Variants in QKI observed in about 807,000 individuals in gnomAD.
QKI encodes KH domain-containing RNA-binding protein QKI.
QKI carries 10 observed loss-of-function variants against 39.0 expected under a neutral mutation model. That is an observed-to-expected ratio of 0.26 (90% CI 0.16 to 0.43). QKI has a LOEUF of 0.43. Among genes scored for constraint, QKI ranks in the 20% least tolerant of loss-of-function variants. The pLI is 1.00. For synonymous variants in QKI, 204 were observed against 155.4 expected (o/e 1.31, Z -2.33); for missense variants, 218 against 428.0 (o/e 0.51, Z 4.33).
At chr6:163,419,259 C>A (rs570157625) in intron 1 of QKI, among the ~76,000 whole-genome samples, 1 of 151,874 alleles carries the variant, frequency 6.6e-6, no homozygotes, top group African/African-American at 2.4e-5. Flanking sequence ...ATTTTCACTT[C>A]TTCTGCCTCT....
At chr6:163,421,215 T>C (rs1400603798) in intron 1 of QKI, among the ~76,000 whole-genome samples, 1 of 152,264 alleles carries the variant, frequency 6.6e-6, no homozygotes, top group East Asian at 1.9e-4. Flanking sequence ...TAAAAACATG[T>C]CATGTTATTT....
At chr6:163,419,680 C>T (rs1180988965) in intron 1 of QKI, among the ~76,000 whole-genome samples, 3 of 152,128 alleles carry the variant, frequency 2.0e-5, no homozygotes, top group Non-Finnish European at 4.4e-5. Flanking sequence ...TCATTCTGTA[C>T]TTTTAAAGCT....
intron 6 of QKI, chr6:163,565,044 G>T (rs1783267283): frequency 6.3e-6 from 7 of 1,107,956 alleles, no homozygotes; most frequent in Non-Finnish European, 7.7e-6. Flanking sequence ...ATGCACTCAG[G>T]TGCCCTTTGT....
intron 4 of QKI, among the ~76,000 whole-genome samples, chr6:163,560,647 G>C (rs1782936650): frequency 6.6e-6 from 1 of 152,176 alleles, no homozygotes; most frequent in African/African-American, 2.4e-5. Context: ...TAAAGTAGTA[G>C]GTTAATGGGC....
intron 3 of QKI, among the ~76,000 whole-genome samples, chr6:163,491,448 TTTG>T (rs1778048586): frequency 6.6e-6 from 1 of 152,176 alleles, no homozygotes; most frequent in African/African-American, 2.4e-5. Context: ...CTCCTCTACT[TTTG>T]TTCTTCTCAC....
chr6:163,542,036 AGGAG>A, intron 4 of QKI, among the ~76,000 whole-genome samples: 1 of 152,126 alleles, frequency 6.6e-6, no homozygotes. Context: ...GCACCATACC[AGGAG>A]AGAGTACTTC....
chr6:163,569,710 C>T (rs1783590059), intron 7 of QKI: 1 of 992,728 alleles, frequency 1.0e-6, no homozygotes, highest in Non-Finnish European at 1.2e-6. Flanking sequence ...TTACAGGTGG[C>T]TTCTTTTAAA....
chr6:163,548,695 A>G (rs1185088438), intron 4 of QKI, among the ~76,000 whole-genome samples: 1 of 152,292 alleles, frequency 6.6e-6, no homozygotes, highest in East Asian at 1.9e-4. Context: ...TAGACCTAGC[A>G]TGTTTGAGGA....
chr6:163,498,188 TAAAA>T (rs10650302), intron 3 of QKI, among the ~76,000 whole-genome samples: 1 of 125,548 alleles, frequency 8.0e-6, no homozygotes, highest in African/African-American at 3.0e-5. Flanking sequence ...GCAGCTGTGG[TAAAA>T]AAAAAAAAAA....
chr6:163,449,144 C>CAAGA (rs1345891768), intron 1 of QKI, among the ~76,000 whole-genome samples: 2 of 152,106 alleles, frequency 1.3e-5, no homozygotes, highest in African/African-American at 4.8e-5. Context: ...TAATGTCTAG[C>CAAGA]AAGAGGTAGG....
chr6:163,457,633 AATT>A, intron 2 of QKI: 1 of 282,520 alleles, frequency 3.5e-6, no homozygotes, highest in South Asian at 2.9e-5. Flanking sequence ...TCACTCCTCT[AATT>A]TTTTTTTTTT....
intron 2 of QKI, among the ~76,000 whole-genome samples, chr6:163,477,944 A>G (rs143715926): frequency 8.3e-4 from 127 of 152,378 alleles, no homozygotes; most frequent in African/African-American, 2.8e-3. Flanking sequence ...ATTTGATTGA[A>G]TAAGTAAATG....
intron 4 of QKI, among the ~76,000 whole-genome samples, chr6:163,552,206 CTTTTTTTTTT>C (rs35060699): frequency 2.9e-5 from 3 of 101,770 alleles, no homozygotes; most frequent in Middle Eastern, 6.8e-3. Flanking sequence ...TTCGTTCGTT[CTTTTTTTTTT>C]TTTTTTTTTT....
chr6:163,532,092 A>G (rs1780894476), intron 3 of QKI, among the ~76,000 whole-genome samples: 1 of 152,256 alleles, frequency 6.6e-6, no homozygotes, highest in South Asian at 2.1e-4. Flanking sequence ...GGCAAATAAT[A>G]CTGCAACTTT....
At chr6:163,508,196 A>C (rs1360340246) in intron 3 of QKI, among the ~76,000 whole-genome samples, 1 of 152,132 alleles carries the variant, frequency 6.6e-6, no homozygotes, top group African/African-American at 2.4e-5. Context: ...AAAGAGGGTA[A>C]ATAAGACTGA....
intron 4 of QKI, among the ~76,000 whole-genome samples, chr6:163,550,938 CTCTG>C (rs1782195250): frequency 1.0e-5 from 1 of 99,810 alleles, no homozygotes; most frequent in Non-Finnish European, 1.9e-5. Context: ...CAGAGCAAGA[CTCTG>C]TCTCACAAAA....
intron 4 of QKI, among the ~76,000 whole-genome samples, chr6:163,556,515 A>C (rs969749861): frequency 6.6e-6 from 1 of 151,410 alleles, no homozygotes; most frequent in South Asian, 2.1e-4. Context: ...AAAAAAAAAA[A>C]AAAAAAAAAC....
intron 4 of QKI, among the ~76,000 whole-genome samples, chr6:163,561,155 T>C (rs887992282): frequency 6.6e-6 from 1 of 152,214 alleles, no homozygotes; most frequent in African/African-American, 2.4e-5. Context: ...ATTATTTCAC[T>C]GAGTTTTCAT....
chr6:163,568,531 C>T (rs1335542099), intron 7 of QKI: 4 of 982,602 alleles, frequency 4.1e-6, no homozygotes, highest in South Asian at 4.7e-5. Context: ...TACTCGTATA[C>T]TTATCACTGT....
Sources: allele counts gnomAD v4.1 joint callset (sites outside exome capture counted in the v4.1 genomes callset), GRCh38; gene constraint gnomAD v4.1.1; transcripts MANE v1.5; gene names NCBI Gene and HGNC (gene_info 2026-07-23, HGNC 2026-07-21).